DRC8: variants seen among roughly 807,000 people sequenced by gnomAD.
DRC8 encodes the protein dynein regulatory complex protein 8.
the DRC8 span, among the ~76,000 whole-genome samples, chr1:245,045,218 C>T: frequency 4.6e-5 from 7 of 152,124 alleles, no homozygotes; most frequent in South Asian, 1.5e-3. Context: ...CTGTATTGCT[C>T]AGGGTGGTCT....
chr1:245,113,124 T>C, the DRC8 span, among the ~76,000 whole-genome samples: 1 of 152,204 alleles, frequency 6.6e-6, no homozygotes, highest in African/African-American at 2.4e-5. Context: ...CACCTTACCT[T>C]GGTCCTTAAA....
chr1:245,084,083 CT>C, the DRC8 span, among the ~76,000 whole-genome samples: 32 of 94,602 alleles, frequency 3.4e-4, no homozygotes, highest in South Asian at 2.6e-3. Flanking sequence ...GGCGCCCCGG[CT>C]TTTTTTTTTT....
chr1:245,006,671 C>T, the DRC8 span, among the ~76,000 whole-genome samples: 4 of 152,146 alleles, frequency 2.6e-5, no homozygotes, highest in Admixed American at 6.5e-5. Flanking sequence ...CACTGGCTCA[C>T]GCCTGTAATC....
At chr1:244,970,459 C>T in the DRC8 span, 17 of 1,519,494 alleles carry the variant, frequency 1.1e-5, no homozygotes, top group East Asian at 2.6e-4. Context: ...GTAGGGGAGC[C>T]GGGGAGCCGC....
At chr1:245,052,140 A>G in the DRC8 span, among the ~76,000 whole-genome samples, 1 of 152,172 alleles carries the variant, frequency 6.6e-6, no homozygotes, top group Non-Finnish European at 1.5e-5. Context: ...AGCTGTTTTG[A>G]GGGAGTTTGC....
chr1:244,996,932 C>T, the DRC8 span, among the ~76,000 whole-genome samples: 4 of 152,196 alleles, frequency 2.6e-5, no homozygotes, highest in East Asian at 1.9e-4. Context: ...TGCTGAAGTC[C>T]CTTACATAAA....
chr1:245,104,930 C>CT, the DRC8 span, among the ~76,000 whole-genome samples: 1 of 152,302 alleles, frequency 6.6e-6, no homozygotes, highest in African/African-American at 2.4e-5. Flanking sequence ...GTATCTAAAT[C>CT]TTTAACTTTC....
the DRC8 span, among the ~76,000 whole-genome samples, chr1:245,010,933 G>C: frequency 6.6e-6 from 1 of 151,852 alleles, no homozygotes; most frequent in Non-Finnish European, 1.5e-5. Context: ...TGCCTGCCTC[G>C]GCCTCCCAAA....
At chr1:244,988,442 T>C in the DRC8 span, among the ~76,000 whole-genome samples, 3 of 152,164 alleles carry the variant, frequency 2.0e-5, no homozygotes, top group Non-Finnish European at 2.9e-5. Flanking sequence ...TAGGAACAAC[T>C]AAAAATAAGG....
the DRC8 span, among the ~76,000 whole-genome samples, chr1:245,083,251 G>T: frequency 6.6e-6 from 1 of 152,162 alleles, no homozygotes; most frequent in South Asian, 2.1e-4. Flanking sequence ...CTCCTTATGA[G>T]AATCTAATGC....
chr1:244,976,011 G>A, the DRC8 span, among the ~76,000 whole-genome samples: 1 of 152,108 alleles, frequency 6.6e-6, no homozygotes, highest in Non-Finnish European at 1.5e-5. Flanking sequence ...GCTCCTGCTT[G>A]TAATTCCAGC....
the DRC8 span, among the ~76,000 whole-genome samples, chr1:244,972,444 G>T: frequency 6.6e-6 from 1 of 152,338 alleles, no homozygotes; most frequent in South Asian, 2.1e-4. Context: ...GTGGACAGCA[G>T]CCTGGACATC....
the DRC8 span, among the ~76,000 whole-genome samples, chr1:245,085,454 C>T: frequency 1.6e-4 from 25 of 152,098 alleles, no homozygotes; most frequent in Non-Finnish European, 2.9e-4. Flanking sequence ...GAGAGGGAGA[C>T]ATTATCGATG....
At chr1:245,043,725 G>A in the DRC8 span, among the ~76,000 whole-genome samples, 1 of 152,108 alleles carries the variant, frequency 6.6e-6, no homozygotes. Context: ...GTGCAGGGAC[G>A]GCCCCAGGAA....
At chr1:245,101,341 T>A in the DRC8 span, among the ~76,000 whole-genome samples, 1 of 152,234 alleles carries the variant, frequency 6.6e-6, no homozygotes, top group Non-Finnish European at 1.5e-5. Context: ...GTATATATAA[T>A]TAATGTATTT....
At chr1:245,042,864 C>T in the DRC8 span, among the ~76,000 whole-genome samples, 2 of 152,124 alleles carry the variant, frequency 1.3e-5, no homozygotes, top group Non-Finnish European at 2.9e-5. Flanking sequence ...GTGTCAGGAA[C>T]TTGATACTAC....
chr1:245,013,844 A>G, the DRC8 span, among the ~76,000 whole-genome samples: 1 of 151,966 alleles, frequency 6.6e-6, no homozygotes, highest in African/African-American at 2.4e-5. Context: ...CAGTCTGACC[A>G]ATATGGTGAA....
At chr1:244,972,134 G>A in the DRC8 span, among the ~76,000 whole-genome samples, 1 of 152,062 alleles carries the variant, frequency 6.6e-6, no homozygotes, top group East Asian at 1.9e-4. Flanking sequence ...TTCAGCTTTT[G>A]AACAATTTTT....
chr1:245,121,817 C>T, the DRC8 span: 1 of 385,944 alleles, frequency 2.6e-6, no homozygotes, highest in Non-Finnish European at 4.9e-6. Flanking sequence ...CCCTCAGCAG[C>T]CTCACAGGCC....
Sources: gnomAD v4.1 joint callset for allele counts (sites outside exome capture counted in the v4.1 genomes callset) on GRCh38, gnomAD v4.1.1 for gene constraint, MANE v1.5 for transcripts, NCBI Gene and HGNC (gene_info 2026-07-23, HGNC 2026-07-21) for gene names.